IQSEC1: variants seen among roughly 807,000 people sequenced by gnomAD.
The protein encoded by IQSEC1 is IQ motif and SEC7 domain-containing protein 1.
In IQSEC1, 31 loss-of-function variants were observed where a neutral mutation model predicts 91.0. That is an observed-to-expected ratio of 0.34 (90% CI 0.26 to 0.46). The LOEUF (loss-of-function observed/expected upper bound fraction) is 0.46. Ranked by LOEUF, IQSEC1 falls within the 20% of genes least tolerant of loss-of-function variation. The pLI, the probability that IQSEC1 is intolerant of heterozygous loss-of-function variation, is 1.00. For missense variants in IQSEC1, 1,388 were observed against 1,575.6 expected (o/e 0.88, Z 2.02); for synonymous variants, 699 against 662.6 (o/e 1.05, Z -0.84).
At chr3:12,905,144 C>T (rs1353075229) in intron 12 of IQSEC1, among the ~76,000 whole-genome samples, 3 of 152,238 alleles carry the variant, frequency 2.0e-5, no homozygotes, top group African/African-American at 7.2e-5. Flanking sequence ...CCTGGTTCAC[C>T]GGCTGATGAA....
chr3:13,218,514 G>A (rs753409033), intron 1 of IQSEC1, among the ~76,000 whole-genome samples: 43 of 152,346 alleles, frequency 2.8e-4, no homozygotes, highest in Non-Finnish European at 5.4e-4. Context: ...GGAAGCCTGT[G>A]GCCGAGACAG....
At chr3:13,032,043 C>T (rs1476265553) in intron 1 of IQSEC1, among the ~76,000 whole-genome samples, 1 of 152,134 alleles carries the variant, frequency 6.6e-6, no homozygotes, top group African/African-American at 2.4e-5. Context: ...CCACTTGTTA[C>T]CATTGTATCC....
intron 1 of IQSEC1, among the ~76,000 whole-genome samples, chr3:13,046,672 G>A (rs1297439635): frequency 2.7e-5 from 4 of 145,998 alleles, no homozygotes; most frequent in Admixed American, 6.8e-5. Flanking sequence ...TCCATGGCCC[G>A]GCCACATCCA....
chr3:13,245,154 T>C (rs1469622224), intron 1 of IQSEC1, among the ~76,000 whole-genome samples: 1 of 152,160 alleles, frequency 6.6e-6, no homozygotes, highest in Non-Finnish European at 1.5e-5. Flanking sequence ...CTCGCTCATG[T>C]GTCTGTGGGC....
intron 4 of IQSEC1, among the ~76,000 whole-genome samples, chr3:12,923,637 G>A (rs1370018850): frequency 1.3e-5 from 2 of 149,316 alleles, no homozygotes; most frequent in African/African-American, 4.9e-5. Context: ...CTGAGCCTTG[G>A]TTTCCCCACC....
intron 2 of IQSEC1, among the ~76,000 whole-genome samples, chr3:13,127,433 AC>A (rs200135883): frequency 2.0e-4 from 19 of 96,776 alleles, no homozygotes; most frequent in African/African-American, 4.3e-4. Context: ...CAACAAAAAA[AC>A]AAACAAACAA....
In IQSEC1 at chr3:13,073,151, G is replaced by T; in HGVS notation, c.-137C>A. On this transcript the variant is annotated 5_prime_UTR_variant, in exon 1 of 14. Coordinates refer to ENST00000613206, the MANE Select transcript of IQSEC1 (RefSeq NM_001134382.3). ...ATCGCGGGGCGAGTCACATTCCCGG[G>T]GGTGGCGGGCTCCTCCAGGGAGGCT... 9.4e-7 allele frequency: 1 copy of T among 1,067,664 alleles called. No individual in the cohort carries two copies. Among genetic ancestry groups the T allele is most frequent in the Non-Finnish European group, 1.4e-6 (1 of 724,680 alleles). The allele number at this position is 1,067,664 out of a possible 1,614,324, so 66.1% of individuals were successfully genotyped here. A position where few individuals can be genotyped will look rare whatever the true frequency, so the allele number is the denominator to read the frequency against.
At chr3:13,194,332 C>T (rs1048588686) in intron 1 of IQSEC1, among the ~76,000 whole-genome samples, 3 of 152,098 alleles carry the variant, frequency 2.0e-5, no homozygotes, top group South Asian at 2.1e-4. Flanking sequence ...GGTTTATTCC[C>T]GTGTTTCTTG....
rs1575831229 is a variant in IQSEC1, at chr3:12,901,451, G to A, written c.2877C>T (p.His959=). 1.3e-6 allele frequency: 2 copies of A among 1,549,158 alleles called. No individual in the cohort carries two copies. The highest frequency in any genetic ancestry group is 2.0e-5 in the Admixed American group (1 of 50,992). ...TSTRECPSRP[H]QTMPNSSSLL... is the part of the protein sequence containing the mutation. Reference sequence around the variant, plus strand: ...GGGAAGATGAGTTGGGCATAGTCTGGTGTGGGCGAGATGGACACTCTCGTG... The same window carrying A: ...GGGAAGATGAGTTGGGCATAGTCTGATGTGGGCGAGATGGACACTCTCGTG... The change falls in exon 14 of 14, where the codon CAC becomes CAT. Residue 959 remains histidine, a synonymous_variant. Transcript: ENST00000613206.
chr3:13,144,777 G>A (rs189231318), intron 2 of IQSEC1, among the ~76,000 whole-genome samples: 47 of 152,362 alleles, frequency 3.1e-4, no homozygotes, highest in Non-Finnish European at 2.2e-4. Flanking sequence ...AAAAGGCCAG[G>A]ACTGATAGCC....
At chr3:13,251,370 T>C (rs1377333578) in intron 1 of IQSEC1, among the ~76,000 whole-genome samples, 1 of 152,214 alleles carries the variant, frequency 6.6e-6, no homozygotes, top group Non-Finnish European at 1.5e-5. Flanking sequence ...AGACAGGAAT[T>C]TCCTTGTATT....
At chr3:13,158,925 G>A (rs1707124738) in intron 2 of IQSEC1, among the ~76,000 whole-genome samples, 1 of 151,936 alleles carries the variant, frequency 6.6e-6, no homozygotes, top group African/African-American at 2.4e-5. Context: ...TCACACCACT[G>A]CATTCCAGCC....
chr3:13,107,956 G>A (rs1373899937), intron 2 of IQSEC1, among the ~76,000 whole-genome samples: 7 of 152,228 alleles, frequency 4.6e-5, no homozygotes, highest in South Asian at 2.1e-4. Context: ...CCCAGAGGGC[G>A]CCGGGGAGCA....
intron 2 of IQSEC1, among the ~76,000 whole-genome samples, chr3:13,122,542 G>A (rs142940675): frequency 5.6e-4 from 86 of 152,252 alleles, no homozygotes; most frequent in African/African-American, 1.9e-3. Context: ...GGAATGAGGA[G>A]CTTGCTAAAC....
At chr3:13,241,104 C>T (rs1695014774) in intron 1 of IQSEC1, among the ~76,000 whole-genome samples, 1 of 152,188 alleles carries the variant, frequency 6.6e-6, no homozygotes, top group African/African-American at 2.4e-5. Context: ...ACCTTGTCAA[C>T]GCCTCATGTC....
chr3:13,209,725 A>G (rs1408924298), intron 1 of IQSEC1, among the ~76,000 whole-genome samples: 1 of 152,178 alleles, frequency 6.6e-6, no homozygotes, highest in East Asian at 1.9e-4. Flanking sequence ...TTAAGTCCAC[A>G]GCTCCTTCCT....
At chr3:12,902,627 TAGGGGA>T in intron 13 of IQSEC1, 140 bp downstream of exon 13, 1 of 588,504 alleles carries the variant, frequency 1.7e-6, no homozygotes, top group Non-Finnish European at 2.9e-6. Context: ...CTCTGTGCAG[TAGGGGA>T]AGGAAAAGCC....
chr3:12,935,733 G>A lies in IQSEC1; in HGVS notation c.1283C>T (p.Pro428Leu), dbSNP rs749970308. 1.2e-5 allele frequency: 20 copies of A among 1,611,728 alleles called. No individual in the cohort carries two copies. Among genetic ancestry groups the A allele is most frequent in the Admixed American group, 1.7e-5 (1 of 60,024 alleles). The change falls in exon 3 of 14, where the codon CCC becomes CTC. Residue 428 changes from proline (P) to leucine (L), a missense_variant. Coordinates refer to ENST00000613206, the MANE Select transcript of IQSEC1 (RefSeq NM_001134382.3). The surrounding 1 kb of genome is among the most constrained non-coding windows in gnomAD (Gnocchi z 8.0). ...GGCCAAGTGGCTGTCCAGGGGCCTG[G>A]GGGGCCGGGGCCGCAACTCAGGCTC... ...REEPELRPRP[P>L]RPLDSHLAIN...
intron 1 of IQSEC1, among the ~76,000 whole-genome samples, chr3:13,209,085 G>A (rs2066054846): frequency 6.6e-6 from 1 of 152,178 alleles, no homozygotes; most frequent in South Asian, 2.1e-4. Context: ...GTCATCACAG[G>A]GATGGCTGTT....
Sources: allele counts gnomAD v4.1 joint callset (sites outside exome capture counted in the v4.1 genomes callset), GRCh38; gene constraint gnomAD v4.1.1; non-coding constraint Gnocchi (gnomAD v3.1); transcripts MANE v1.5; gene names NCBI Gene and HGNC (gene_info 2026-07-23, HGNC 2026-07-21).